The following BICD1 variants were observed in gnomAD, a reference collection of about 807,000 sequenced individuals.
The protein encoded by BICD1 is protein bicaudal D homolog 1.
BICD1 carries 35 observed loss-of-function variants against 92.5 expected under a neutral mutation model. That is an observed-to-expected ratio of 0.38 (90% confidence interval 0.29 to 0.50). The LOEUF (loss-of-function observed/expected upper bound fraction) is 0.50. Ranked by LOEUF, BICD1 falls within the 20% of genes least tolerant of loss-of-function variation. The pLI is 0.93. For missense variants in BICD1, 950 were observed against 1,189.8 expected (o/e 0.80, Z 2.97); for synonymous variants, 429 against 465.1 (o/e 0.92, Z 1.00).
intron 1 of BICD1, among the ~76,000 whole-genome samples, chr12:32,187,892 T>G (rs113779959): frequency 0.027 from 4,071 of 152,282 alleles, 179 homozygotes; most frequent in African/African-American, 0.093. Context: ...TGTTGTTGTT[T>G]TTTGAGACGG....
At chr12:32,316,121 G>GT (rs1426624532) in intron 4 of BICD1, among the ~76,000 whole-genome samples, 2 of 103,162 alleles carry the variant, frequency 1.9e-5, no homozygotes, top group Non-Finnish European at 4.1e-5. Context: ...GGGCAACAGA[G>GT]TGAGACCCTG....
At chr12:32,274,370 T>C (rs1565634303) in intron 2 of BICD1, among the ~76,000 whole-genome samples, 1 of 152,176 alleles carries the variant, frequency 6.6e-6, no homozygotes, top group African/African-American at 2.4e-5. Flanking sequence ...GGAAAGATTC[T>C]GGAAACACAT....
At chr12:32,295,275 A>T (rs1947837493) in intron 3 of BICD1, among the ~76,000 whole-genome samples, 1 of 152,126 alleles carries the variant, frequency 6.6e-6, no homozygotes, top group African/African-American at 2.4e-5. Flanking sequence ...TTTTAGAAGA[A>T]TTTATTTATG....
chr12:32,298,733 G>A (rs1470408454), intron 3 of BICD1, among the ~76,000 whole-genome samples: 1 of 151,544 alleles, frequency 6.6e-6, no homozygotes, highest in Non-Finnish European at 1.5e-5. Flanking sequence ...AGCCGGGCGT[G>A]GTGGCACATG....
chr12:32,156,003 TAACACCTTTA>T (rs1943424553), intron 1 of BICD1, among the ~76,000 whole-genome samples: 1 of 152,186 alleles, frequency 6.6e-6, no homozygotes. Flanking sequence ...TGTGGACACA[TAACACCTTTA>T]CAATGGAGTG....
chr12:32,231,198 T>A (rs1243351536), intron 2 of BICD1, among the ~76,000 whole-genome samples: 2 of 152,120 alleles, frequency 1.3e-5, no homozygotes, highest in African/African-American at 4.8e-5. Flanking sequence ...TAAAGCGTAT[T>A]TAGGCTGAGC....
At chr12:32,160,565 A>G (rs1162540540) in intron 1 of BICD1, among the ~76,000 whole-genome samples, 2 of 152,146 alleles carry the variant, frequency 1.3e-5, no homozygotes, top group African/African-American at 4.8e-5. Flanking sequence ...TTCAGTATCA[A>G]GTGTGGTAAA....
chr12:32,259,254 T>C (rs1946797214), intron 2 of BICD1, among the ~76,000 whole-genome samples: 1 of 152,194 alleles, frequency 6.6e-6, no homozygotes, highest in African/African-American at 2.4e-5. Context: ...CTATATCTAA[T>C]TTGTATTATA....
chr12:32,124,969 G>A (rs1267951072), intron 1 of BICD1, among the ~76,000 whole-genome samples: 1 of 152,178 alleles, frequency 6.6e-6, no homozygotes, highest in Non-Finnish European at 1.5e-5. Context: ...CAGACCAGGA[G>A]TACCTGTGAC....
At chr12:32,252,002 T>TATATATTTATAATATTATATATTTATA (rs1565619123) in intron 2 of BICD1, among the ~76,000 whole-genome samples, 1 of 126,456 alleles carries the variant, frequency 7.9e-6, no homozygotes, top group African/African-American at 3.0e-5. Flanking sequence ...ATATTTATAA[T>TATATATTTATAATATTATATATTTATA]ATATATTTAT....
chr12:32,230,785 A>G (rs1945861497), intron 2 of BICD1, among the ~76,000 whole-genome samples: 1 of 152,224 alleles, frequency 6.6e-6, no homozygotes, highest in African/African-American at 2.4e-5. Flanking sequence ...GGAGTGAAAT[A>G]GCACTTCAGA....
intron 1 of BICD1, among the ~76,000 whole-genome samples, chr12:32,183,941 T>G (rs1944354149): frequency 2.0e-5 from 3 of 152,202 alleles, no homozygotes; most frequent in African/African-American, 7.2e-5. Context: ...TACAAGCAGT[T>G]GCCATTGTCT....
chr12:32,197,240 C>G (rs1021609690), intron 1 of BICD1, among the ~76,000 whole-genome samples: 1 of 152,116 alleles, frequency 6.6e-6, no homozygotes, highest in Non-Finnish European at 1.5e-5. Flanking sequence ...AACTCCTGAC[C>G]TCAGGTGATC....
intron 1 of BICD1, among the ~76,000 whole-genome samples, chr12:32,151,895 C>T (rs1226760308): frequency 1.3e-5 from 2 of 152,130 alleles, no homozygotes; most frequent in African/African-American, 2.4e-5. Context: ...CTTCACAGTT[C>T]CTGAGACTAG....
intron 5 of BICD1, chr12:32,332,934 G>A (rs1937940981): frequency 1.0e-6 from 1 of 985,366 alleles, no homozygotes. Context: ...CAAATCCAGT[G>A]AGTTATGGAT....
In BICD1 at chr12:32,305,684, C is replaced by T; in HGVS notation, c.580-13C>T. On this transcript the variant is annotated splice_polypyrimidine_tract_variant and intron_variant, in intron 3 of 9. Transcript: ENST00000652176. ...TTTAGTTTTATGAATCTTCTTTATC[C>T]TGTCTGATTCAGGTTGAATACGAAG... The T allele has an allele frequency of 6.3e-7, 1 of 1,588,602 alleles. No individual in the cohort carries two copies. Among genetic ancestry groups the T allele is most frequent in the Non-Finnish European group, 8.6e-7 (1 of 1,168,934 alleles).
chr12:32,238,003 G>A (rs1267862800), intron 2 of BICD1, among the ~76,000 whole-genome samples: 4 of 152,174 alleles, frequency 2.6e-5, no homozygotes, highest in Admixed American at 2.6e-4. Flanking sequence ...AAACCTTCTG[G>A]AAAGGATTCA....
intron 1 of BICD1, among the ~76,000 whole-genome samples, chr12:32,120,322 TTAAA>T (rs1413248460): frequency 2.0e-5 from 3 of 152,222 alleles, no homozygotes; most frequent in Non-Finnish European, 4.4e-5. Flanking sequence ...GTTTCTATCT[TTAAA>T]TATAGAATTG....
intron 8 of BICD1, among the ~76,000 whole-genome samples, chr12:32,362,379 T>C (rs1939363759): frequency 6.6e-6 from 1 of 151,876 alleles, no homozygotes; most frequent in Non-Finnish European, 1.5e-5. Flanking sequence ...AAAAAGAAAA[T>C]TGGTTAGTTT....
Sources: allele counts gnomAD v4.1 joint callset (sites outside exome capture counted in the v4.1 genomes callset), GRCh38; gene constraint gnomAD v4.1.1; transcripts MANE v1.5; gene names NCBI Gene and HGNC (gene_info 2026-07-23, HGNC 2026-07-21).